Variants in TRPM1 observed in about 807,000 individuals in gnomAD.
The protein encoded by TRPM1 is transient receptor potential cation channel subfamily M member 1.
In TRPM1, 113 loss-of-function variants were observed where a neutral mutation model predicts 149.4. The observed-to-expected ratio is 0.76, with a 90% CI of 0.65 to 0.88. The LOEUF is 0.88. TRPM1 is among the 40% of genes least tolerant of loss of function. The probability of loss-of-function intolerance (pLI) is 0.00; values close to 1 mark genes in which losing one functional copy is unlikely to be tolerated. For synonymous variants in TRPM1, 741 were observed against 759.5 expected, an observed-to-expected ratio of 0.98 and a Z score of 0.40; for missense variants, 1,976 against 2,038.7, an observed-to-expected ratio of 0.97 and a Z score of 0.59.
At chr15:31,089,860 CTG>C (rs777837164) in intron 1 of TRPM1, among the ~76,000 whole-genome samples, 6 of 152,208 alleles carry the variant, frequency 3.9e-5, no homozygotes, top group Non-Finnish European at 8.8e-5. Context: ...AAGGGGATAA[CTG>C]TGCCATGTGG....
intron 1 of TRPM1, among the ~76,000 whole-genome samples, chr15:31,150,895 C>T (rs1018792589): frequency 5.3e-5 from 8 of 152,246 alleles, no homozygotes; most frequent in African/African-American, 1.9e-4. Flanking sequence ...CTGACACATG[C>T]GCAGTAAGGG....
intron 1 of TRPM1, among the ~76,000 whole-genome samples, chr15:31,139,354 T>G (rs1455011870): frequency 6.6e-6 from 1 of 152,196 alleles, no homozygotes; most frequent in Non-Finnish European, 1.5e-5. Context: ...AACAACTGTT[T>G]AGGCCAATAG....
In TRPM1 at chr15:31,066,087, T is replaced by A. The variant is rs1567029475; in HGVS notation, c.779A>T (p.Lys260Met). ...TTGCCAGCACTTACTTGTGTTGATC[T>A]TCTGCAGGGAGATGTGCTTTTCCAG... ...RLLEKHISLQ[K>M]INTRLGQGVP... is the part of the protein sequence containing the mutation. The change falls in exon 7 of 28, where the codon AAG (lysine) becomes ATG (methionine). Residue 260 changes from lysine (K) to methionine (M), a missense_variant. By Grantham distance (95) the Lys-to-Met change is moderately conservative. Transcript: ENST00000256552. 1.2e-6 allele frequency: 2 copies of A among 1,614,104 alleles called. No individual in the cohort carries two copies. The highest frequency in any genetic ancestry group is 2.2e-5 in the East Asian group (1 of 44,890).
At chr15:31,042,632 G>A (rs906782230) in intron 16 of TRPM1, among the ~76,000 whole-genome samples, 2 of 152,190 alleles carry the variant, frequency 1.3e-5, no homozygotes, top group African/African-American at 4.8e-5. Flanking sequence ...GTCTTCAAAT[G>A]TAGCAAAAAT....
chr15:31,001,846 T>A lies in TRPM1; in HGVS notation c.4854A>T (p.Lys1618Asn), dbSNP rs2031773848. Residue 1618 changes from lysine to asparagine, a missense_variant, in exon 28 of 28, where the codon AAA becomes AAT. Transcript: ENST00000256552. Reference sequence around the variant, plus strand: ...ACTAGCATTCAGTTTCTGTGGAAGCTTTCTCTTTCTTAACCTTTTTTTCTT... The same window carrying A: ...ACTAGCATTCAGTTTCTGTGGAAGCATTCTCTTTCTTAACCTTTTTTTCTT... ...TAEEKKVKKE[K>N]ASTETEC 6.2e-7 allele frequency: 1 copy of A among 1,612,696 alleles called. No homozygotes were observed. The highest frequency in any genetic ancestry group is 1.3e-5 in the African/African-American group (1 of 74,886).
chr15:31,039,606 AT>A (rs2033545959), intron 18 of TRPM1, among the ~76,000 whole-genome samples: 1 of 152,272 alleles, frequency 6.6e-6, no homozygotes, highest in South Asian at 2.1e-4. Context: ...TTGCAATATA[AT>A]TTTTCCCCCA....
At chr15:31,150,324 T>C (rs2036282821) in intron 1 of TRPM1, among the ~76,000 whole-genome samples, 1 of 152,098 alleles carries the variant, frequency 6.6e-6, no homozygotes, top group South Asian at 2.1e-4. Flanking sequence ...AGGCTGGCGT[T>C]CCCAGGTGCA....
intron 27 of TRPM1, among the ~76,000 whole-genome samples, chr15:31,006,809 G>A (rs1030416076): frequency 6.6e-6 from 1 of 151,784 alleles, no homozygotes; most frequent in Admixed American, 6.6e-5. Context: ...TTTATTTTTA[G>A]CTCTTGTATT....
chr15:31,108,152 C>G (rs2035635392), intron 1 of TRPM1, among the ~76,000 whole-genome samples: 1 of 98,722 alleles, frequency 1.0e-5, no homozygotes. Context: ...GCCACCACGC[C>G]TGTCCAATTT....
chr15:31,091,571 G>T (rs991236887), intron 1 of TRPM1, among the ~76,000 whole-genome samples: 1 of 152,198 alleles, frequency 6.6e-6, no homozygotes, highest in African/African-American at 2.4e-5. Flanking sequence ...CTTGGGAGCA[G>T]CAGGGGTTGT....
chr15:31,043,969 A>C (rs1488481223), intron 16 of TRPM1, among the ~76,000 whole-genome samples: 1 of 152,174 alleles, frequency 6.6e-6, no homozygotes, highest in Non-Finnish European at 1.5e-5. Context: ...AAAAATTGAC[A>C]TATTACCATA....
chr15:31,087,596 A>C (rs993656848), intron 1 of TRPM1, among the ~76,000 whole-genome samples: 2 of 152,044 alleles, frequency 1.3e-5, no homozygotes, highest in African/African-American at 4.8e-5. Context: ...AGCATTATTC[A>C]CAATAGCCAA....
chr15:31,004,070 C>A (rs1281751871), intron 27 of TRPM1, among the ~76,000 whole-genome samples: 1 of 152,176 alleles, frequency 6.6e-6, no homozygotes, highest in East Asian at 1.9e-4. Flanking sequence ...AGCTAGGAGT[C>A]CTGGCTACTG....
intron 7 of TRPM1, 103 bp from the exon 8 acceptor site, chr15:31,063,395 G>C (rs2034289489): frequency 2.1e-6 from 3 of 1,429,744 alleles, no homozygotes; most frequent in Non-Finnish European, 3.0e-6. Flanking sequence ...ATTACGACTT[G>C]GGGGATGTTC....
chr15:31,010,701 G>C (rs2032154058), intron 27 of TRPM1, among the ~76,000 whole-genome samples: 1 of 152,148 alleles, frequency 6.6e-6, no homozygotes, highest in African/African-American at 2.4e-5. Context: ...AACAGATGAT[G>C]TATCTTGGAA....
rs754952115 is a variant in TRPM1 at position 31,090,511 on chromosome 15, C to T, written c.-83-9073G>A. 3.9e-5 allele frequency among the ~76,000 whole-genome samples: 6 copies of T among 152,002 alleles called. No homozygotes were observed. In the South Asian group the frequency reaches 1.2e-3, roughly 32 times the overall value. ...AATTAGCCAGGTGTGGTGGTGGGCA[C>T]CTGTAATCCCAGCTACTCGGGAGGC... On this transcript the variant is annotated intron_variant, in intron 1 of 27. Coordinates refer to ENST00000256552, the MANE Select transcript of TRPM1 (RefSeq NM_001252024.2).
At chr15:31,117,006 G>A (rs2141030153) in intron 1 of TRPM1, among the ~76,000 whole-genome samples, 1 of 152,340 alleles carries the variant, frequency 6.6e-6, no homozygotes, top group Admixed American at 6.5e-5. Flanking sequence ...AGATACAGCA[G>A]AGAGTTTGGA....
intron 3 of TRPM1, 180 bp from the exon 4 acceptor site, chr15:31,070,406 G>A (rs1432603489): frequency 1.4e-6 from 1 of 717,440 alleles, no homozygotes; most frequent in African/African-American, 1.7e-5. Context: ...CAGATAATCA[G>A]TGCACATCTC....
chr15:31,152,824 G>A (rs2036321517), intron 1 of TRPM1, among the ~76,000 whole-genome samples: 1 of 152,058 alleles, frequency 6.6e-6, no homozygotes, highest in Non-Finnish European at 1.5e-5. Flanking sequence ...AAATTTTCTT[G>A]TAGAGACAGG....
Sources: allele counts gnomAD v4.1 joint callset (sites outside exome capture counted in the v4.1 genomes callset), GRCh38; gene constraint gnomAD v4.1.1; transcripts MANE v1.5; gene names NCBI Gene and HGNC (gene_info 2026-07-23, HGNC 2026-07-21).